CCDC181: variants seen among roughly 807,000 people sequenced by gnomAD.
The protein encoded by CCDC181 is coiled-coil domain containing 181.
CCDC181 carries 35 observed loss-of-function variants against 58.7 expected under a neutral mutation model. The ratio of observed to expected loss-of-function variants is 0.60; its 90% CI spans 0.46 to 0.79. CCDC181 has a LOEUF of 0.79. CCDC181 is among the 30% of genes least tolerant of loss of function. The pLI, the probability that CCDC181 is intolerant of heterozygous loss-of-function variation, is 0.00. For missense variants in CCDC181, 517 were observed against 583.9 expected (o/e 0.89, Z 1.18); for synonymous variants, 183 against 197.5 (o/e 0.93, Z 0.62).
intron 2 of CCDC181, chr1:169,443,351 CTGCAGTGATGCTTT>C (rs1657287385): frequency 6.6e-6 from 1 of 152,076 alleles, no homozygotes; most frequent in South Asian, 2.1e-4. Flanking sequence ...AAGGGATTTC[CTGCAGTGATGCTTT>C]TGTTTTCTCA....
intron 4 of CCDC181, among the ~76,000 whole-genome samples, chr1:169,400,823 G>A (rs889347172): frequency 1.3e-5 from 2 of 152,138 alleles, no homozygotes; most frequent in Non-Finnish European, 2.9e-5. Flanking sequence ...GTCAGACAGT[G>A]GGTGCAGCCC....
intron 4 of CCDC181, among the ~76,000 whole-genome samples, chr1:169,401,005 C>T (rs768598423): frequency 6.6e-6 from 1 of 152,170 alleles, no homozygotes; most frequent in African/African-American, 2.4e-5. Context: ...GATTATATCC[C>T]GCACCTGGCT....
chr1:169,447,230 A>C (rs1657401841), intron 2 of CCDC181, among the ~76,000 whole-genome samples: 1 of 152,132 alleles, frequency 6.6e-6, no homozygotes, highest in African/African-American at 2.4e-5. Context: ...CTCCTGCCTT[A>C]GCCTCCCGAG....
intron 2 of CCDC181, among the ~76,000 whole-genome samples, chr1:169,449,892 T>C (rs982435521): frequency 2.6e-5 from 4 of 152,180 alleles, no homozygotes; most frequent in African/African-American, 9.7e-5. Context: ...CTAGGATCAA[T>C]ACTTTGCATC....
upstream of CCDC181, among the ~76,000 whole-genome samples, chr1:169,428,748 C>T (rs950209401): frequency 6.6e-6 from 1 of 152,104 alleles, no homozygotes; most frequent in Non-Finnish European, 1.5e-5. Flanking sequence ...CTCCATCTCC[C>T]GGGTTCAAGC....
chr1:169,415,532 A>G (rs1179447674), intron 4 of CCDC181, among the ~76,000 whole-genome samples: 2 of 152,220 alleles, frequency 1.3e-5, no homozygotes, highest in African/African-American at 4.8e-5. Flanking sequence ...TCTCTGAAAC[A>G]GAGGCTGCAT....
At chr1:169,438,572 A>G (rs1329955548) in intron 2 of CCDC181, among the ~76,000 whole-genome samples, 1 of 152,206 alleles carries the variant, frequency 6.6e-6, no homozygotes, top group South Asian at 2.1e-4. Context: ...AATACATACA[A>G]CAAAACAGAC....
At chr1:169,423,086 C>G (rs1054048898) in intron 2 of CCDC181, among the ~76,000 whole-genome samples, 1 of 130,956 alleles carries the variant, frequency 7.6e-6, no homozygotes, top group East Asian at 1.9e-4. Flanking sequence ...TATTTTTTCT[C>G]TTTGTCAAAG....
chr1:169,416,582 G>A (rs1329784707), intron 4 of CCDC181, among the ~76,000 whole-genome samples: 3 of 151,980 alleles, frequency 2.0e-5, no homozygotes, highest in South Asian at 4.2e-4. Context: ...TTTATTATCC[G>A]CATTTTATTA....
At chr1:169,454,654 T>TA (rs1407905204) in intron 2 of CCDC181, 3 of 152,094 alleles carry the variant, frequency 2.0e-5, no homozygotes, top group East Asian at 3.9e-4. Flanking sequence ...CTTTTTCTTT[T>TA]AAAAAATGTT....
At chr1:169,451,499 G>A (rs911330877) in intron 2 of CCDC181, among the ~76,000 whole-genome samples, 11 of 151,998 alleles carry the variant, frequency 7.2e-5, no homozygotes, top group African/African-American at 2.7e-4. Context: ...TCTTTATCTG[G>A]TCTAACATGG....
At chr1:169,414,276 AT>A (rs1248496551) in intron 4 of CCDC181, among the ~76,000 whole-genome samples, 1 of 152,250 alleles carries the variant, frequency 6.6e-6, no homozygotes, top group Non-Finnish European at 1.5e-5. Context: ...TCAGGAAGAC[AT>A]AAAGTCCTAA....
At chr1:169,430,106 G>C (rs114784156), upstream of CCDC181, among the ~76,000 whole-genome samples, 5 of 151,920 alleles carry the variant, frequency 3.3e-5, no homozygotes, top group Admixed American at 3.3e-4. Flanking sequence ...TCAGAGATCA[G>C]TTAGCTTCAT....
At chr1:169,445,847 G>A (rs1241201035) in intron 2 of CCDC181, among the ~76,000 whole-genome samples, 3 of 152,020 alleles carry the variant, frequency 2.0e-5, no homozygotes, top group Non-Finnish European at 2.9e-5. Context: ...TTTCAAGGAG[G>A]TAGTGCATTT....
chr1:169,399,554 A>T (rs1249383662), intron 4 of CCDC181, among the ~76,000 whole-genome samples: 8 of 152,180 alleles, frequency 5.3e-5, no homozygotes, highest in Admixed American at 5.2e-4. Context: ...TCAATAGTGG[A>T]GGGAACCAAA....
chr1:169,450,349 A>G (rs1368121368), intron 2 of CCDC181, among the ~76,000 whole-genome samples: 2 of 152,162 alleles, frequency 1.3e-5, no homozygotes, highest in East Asian at 1.9e-4. Flanking sequence ...AACTGAAACT[A>G]TGCACACTAA....
At chr1:169,453,449 TA>T (rs1003866803) in intron 2 of CCDC181, among the ~76,000 whole-genome samples, 11 of 152,100 alleles carry the variant, frequency 7.2e-5, no homozygotes, top group Admixed American at 5.9e-4. Context: ...AACCCTTTCC[TA>T]GTCTAATATA....
At chr1:169,418,060 G>A (rs1164232068) in intron 4 of CCDC181, among the ~76,000 whole-genome samples, 2 of 152,278 alleles carry the variant, frequency 1.3e-5, no homozygotes, top group East Asian at 3.9e-4. Flanking sequence ...CACACTGTTG[G>A]AGGAACTATA....
chr1:169,429,560 T>C (rs959088823), upstream of CCDC181, among the ~76,000 whole-genome samples: 1 of 152,190 alleles, frequency 6.6e-6, no homozygotes, highest in Non-Finnish European at 1.5e-5. Flanking sequence ...ATTAGTGATG[T>C]TGAGCATTTT....
Sources: allele counts gnomAD v4.1 joint callset (sites outside exome capture counted in the v4.1 genomes callset), GRCh38; gene constraint gnomAD v4.1.1; transcripts MANE v1.5; gene names NCBI Gene and HGNC (gene_info 2026-07-23, HGNC 2026-07-21).